Variants in NSMCE2 observed in about 807,000 individuals in gnomAD.
NSMCE2 encodes the protein E3 SUMO-protein ligase NSE2.
In NSMCE2, 24 loss-of-function variants were observed where a neutral mutation model predicts 23.8. That is an observed-to-expected ratio of 1.01 (90% CI 0.73 to 1.42). NSMCE2 has a LOEUF of 1.42. Ranked by LOEUF, NSMCE2 falls within the 40% of genes most tolerant of loss-of-function variation. The pLI is 0.00. For synonymous variants in NSMCE2, 92 were observed against 94.1 expected, an observed-to-expected ratio of 0.98 and a Z score of 0.13; for missense variants, 284 against 296.5, an observed-to-expected ratio of 0.96 and a Z score of 0.31.
At chr8:125,185,532 CT>C (rs1305802377) in intron 5 of NSMCE2, among the ~76,000 whole-genome samples, 1 of 152,182 alleles carries the variant, frequency 6.6e-6, no homozygotes, top group Non-Finnish European at 1.5e-5. Flanking sequence ...TCTTGAACTC[CT>C]GACTTCAGGG....
intron 3 of NSMCE2, among the ~76,000 whole-genome samples, chr8:125,122,189 A>T (rs1028249396): frequency 6.6e-6 from 1 of 151,908 alleles, no homozygotes; most frequent in Non-Finnish European, 1.5e-5. Context: ...AAAAAAAAAA[A>T]AAAAAATGCT....
intron 5 of NSMCE2, among the ~76,000 whole-genome samples, chr8:125,291,224 A>G (rs1828092900): frequency 6.6e-6 from 1 of 152,232 alleles, no homozygotes; most frequent in Non-Finnish European, 1.5e-5. Context: ...ATTCATCCGA[A>G]GAGACTGGAG....
At chr8:125,315,905 C>T (rs1047566750) in intron 5 of NSMCE2, among the ~76,000 whole-genome samples, 29 of 152,064 alleles carry the variant, frequency 1.9e-4, no homozygotes, top group Admixed American at 4.6e-4. Flanking sequence ...TGGGCTCAAG[C>T]AATCCTCTTA....
At chr8:125,338,821 T>C (rs537098588) in intron 5 of NSMCE2, among the ~76,000 whole-genome samples, 1 of 152,350 alleles carries the variant, frequency 6.6e-6, no homozygotes, top group South Asian at 2.1e-4. Context: ...TGAATGATTA[T>C]GGAAAAGGTT....
intron 3 of NSMCE2, among the ~76,000 whole-genome samples, chr8:125,110,902 T>A (rs1348273218): frequency 6.6e-6 from 1 of 151,858 alleles, no homozygotes; most frequent in African/African-American, 2.4e-5. Flanking sequence ...GCTGGGACCT[T>A]TCAGGGCCTT....
At chr8:125,156,366 A>G (rs1821309261) in intron 4 of NSMCE2, 1 of 155,352 alleles carries the variant, frequency 6.4e-6, no homozygotes. Context: ...AAATCCAAGT[A>G]TGTCTTCACT....
chr8:125,346,848 A>G (rs1232351811), intron 5 of NSMCE2, among the ~76,000 whole-genome samples: 3 of 152,256 alleles, frequency 2.0e-5, no homozygotes, highest in African/African-American at 7.2e-5. Flanking sequence ...AATTAATAAC[A>G]TGATGTCAGC....
At chr8:125,252,752 A>G (rs748725357) in intron 5 of NSMCE2, among the ~76,000 whole-genome samples, 30 of 152,262 alleles carry the variant, frequency 2.0e-4, no homozygotes, top group African/African-American at 2.7e-4. Context: ...TTATTTTAGA[A>G]TGAAAGCATA....
chr8:125,274,999 G>GATGATA (rs779965998), intron 5 of NSMCE2, among the ~76,000 whole-genome samples: 1 of 142,420 alleles, frequency 7.0e-6, no homozygotes, highest in East Asian at 2.0e-4. Context: ...ATCTGAAGAT[G>GATGATA]ATAATAATAA....
rs561146036 is a variant in NSMCE2 at position 125,247,591 on chromosome 8, G to A, written c.418+65335G>A. ...AATATAAAAATTAGCTGGGTATGGTGGCAGGCACCTGTAATCCCAGCTACT... is the reference window on the plus strand; with the variant it reads ...AATATAAAAATTAGCTGGGTATGGTAGCAGGCACCTGTAATCCCAGCTACT... On this transcript the variant is annotated intron_variant, in intron 5 of 7. Transcript: ENST00000287437. Among the ~76,000 whole-genome samples, 5 of 152,008 alleles carry A rather than the reference G, an allele frequency of 3.3e-5. No individual in the cohort carries two copies. In the East Asian group the frequency reaches 5.8e-4, roughly 18 times the overall value.
chr8:125,275,555 T>C lies in NSMCE2; in HGVS notation c.419-81664T>C, dbSNP rs1244844977. ...AATTCTACTCATTTGTATTTCCTCGTTGGCTGCCCAGCCCAGCCACACTGG... is the reference window on the plus strand; with the variant it reads ...AATTCTACTCATTTGTATTTCCTCGCTGGCTGCCCAGCCCAGCCACACTGG... On this transcript the variant is annotated intron_variant, in intron 5 of 7. Coordinates refer to ENST00000287437, the MANE Select transcript of NSMCE2 (RefSeq NM_173685.4). Among the ~76,000 whole-genome samples the C allele has an allele frequency of 5.3e-5, 8 of 152,310 alleles. No homozygotes were observed. The East Asian group carries it at 1.4e-3, about 26-fold the overall frequency.
intron 5 of NSMCE2, among the ~76,000 whole-genome samples, chr8:125,340,474 T>C (rs1265315709): frequency 1.3e-5 from 2 of 152,244 alleles, no homozygotes; most frequent in African/African-American, 4.8e-5. Flanking sequence ...TCCCTTCTCA[T>C]CTATAAATCT....
chr8:125,296,199 T>C (rs1828318165), intron 5 of NSMCE2, among the ~76,000 whole-genome samples: 1 of 152,288 alleles, frequency 6.6e-6, no homozygotes, highest in East Asian at 1.9e-4. Flanking sequence ...CAAACTGAGG[T>C]AAATTTAGTG....
intron 4 of NSMCE2, among the ~76,000 whole-genome samples, chr8:125,177,885 G>T (rs1227364883): frequency 6.6e-6 from 1 of 152,066 alleles, no homozygotes; most frequent in African/African-American, 2.4e-5. Context: ...TTCGTACTAG[G>T]TAACTTCACT....
intron 3 of NSMCE2, among the ~76,000 whole-genome samples, chr8:125,127,939 C>T (rs1215665898): frequency 1.3e-5 from 2 of 152,050 alleles, no homozygotes. Flanking sequence ...GTGTTAAGTA[C>T]TTATGTGTGG....
chr8:125,225,884 A>T (rs760287442), intron 5 of NSMCE2, among the ~76,000 whole-genome samples: 23 of 152,242 alleles, frequency 1.5e-4, no homozygotes, highest in Non-Finnish European at 1.9e-4. Flanking sequence ...ACATTTCCAG[A>T]TACAATATTA....
At chr8:125,267,030 A>T in intron 5 of NSMCE2, among the ~76,000 whole-genome samples, 1 of 125,830 alleles carries the variant, frequency 7.9e-6, no homozygotes, top group East Asian at 2.3e-4. Context: ...TTTGAGACAG[A>T]GTCTTGCTCT....
chr8:125,141,844 C>T (rs1389242892), intron 3 of NSMCE2, among the ~76,000 whole-genome samples: 2 of 152,142 alleles, frequency 1.3e-5, no homozygotes, highest in East Asian at 3.9e-4. Flanking sequence ...GTTAGCTGCC[C>T]GTTCTTCTTG....
At chr8:125,317,496 C>A (rs1244446019) in intron 5 of NSMCE2, among the ~76,000 whole-genome samples, 1 of 152,128 alleles carries the variant, frequency 6.6e-6, no homozygotes, top group Non-Finnish European at 1.5e-5. Context: ...CACACCTGAC[C>A]AAGATTCCTT....
Sources: allele counts gnomAD v4.1 joint callset (sites outside exome capture counted in the v4.1 genomes callset), GRCh38; gene constraint gnomAD v4.1.1; transcripts MANE v1.5; gene names NCBI Gene and HGNC (gene_info 2026-07-23, HGNC 2026-07-21).